TBXAS1: variants seen among roughly 807,000 people sequenced by gnomAD.
The protein encoded by TBXAS1 is thromboxane A synthase 1.
Under a neutral mutation model 60.7 loss-of-function variants are expected in TBXAS1, and 48 were observed. The ratio of observed to expected loss-of-function variants is 0.79; its 90% CI spans 0.63 to 1.01. TBXAS1 has a LOEUF of 1.01. Among genes scored for constraint, TBXAS1 ranks in the 50% least tolerant of loss-of-function variants. TBXAS1 has a pLI of 0.00. For synonymous variants in TBXAS1, 287 were observed against 269.7 expected, an observed-to-expected ratio of 1.06 and a Z score of -0.63; for missense variants, 685 against 686.3, an observed-to-expected ratio of 1.00 and a Z score of 0.02.
intron 4 of TBXAS1, among the ~76,000 whole-genome samples, chr7:139,809,217 T>C (rs1175417461): frequency 1.5e-5 from 2 of 130,292 alleles, no homozygotes; most frequent in African/African-American, 6.4e-5. Context: ...GATAGATAGA[T>C]AGATAGATAG....
In TBXAS1 at chr7:139,829,320, TC is replaced by T. The variant is rs776200708; in HGVS notation, c.-68del. 2.1e-6 allele frequency: 3 copies of T among 1,442,346 alleles called. No individual in the cohort carries two copies. Among genetic ancestry groups the T allele is most frequent in the Non-Finnish European group, 2.9e-6 (3 of 1,036,984 alleles). The allele number at this position is 1,442,346 out of a possible 1,614,324, so 89.3% of individuals were successfully genotyped here. On this transcript the variant is annotated 5_prime_UTR_variant, in exon 1 of 13. It removes the in-frame stop codon of an upstream open reading frame in the 5' UTR. Coordinates refer to ENST00000448866, the MANE Select transcript of TBXAS1 (RefSeq NM_001061.7). ...CCCTTTTCTACCTGCAGAGCACGGT[TC>T]CCATAAGGGCGGCGAGATCAGCCTC...
At chr7:139,847,816 G>GTTGT (rs376353146) in intron 1 of TBXAS1, among the ~76,000 whole-genome samples, 76 of 152,184 alleles carry the variant, frequency 5.0e-4, no homozygotes, top group Middle Eastern at 3.4e-3. Context: ...TGCAATATTT[G>GTTGT]TTGTTTGTTT....
Position 139,880,037 on chromosome 7 carries a change from T to C in TBXAS1, c.236+4400T>C, listed in dbSNP as rs187135230. Among the ~76,000 whole-genome samples, 1,043 of 152,194 alleles carry C rather than the reference T, an allele frequency of 6.9e-3. 4 individuals are homozygous for C. The highest frequency in any genetic ancestry group is 0.011 in the Non-Finnish European group (757 of 68,002). On this transcript the variant is annotated intron_variant, in intron 3 of 12. Coordinates refer to ENST00000448866, the MANE Select transcript of TBXAS1 (RefSeq NM_001061.7). ...TTGCTGGGAATACAGGCATGTGCCA[T>C]CACGCCCAGCAAATTTTTGTATTTT...
intron 4 of TBXAS1, among the ~76,000 whole-genome samples, chr7:139,926,792 T>G (rs1455303315): frequency 6.6e-6 from 1 of 152,140 alleles, no homozygotes; most frequent in Non-Finnish European, 1.5e-5. Flanking sequence ...GTACTGCTTT[T>G]GCCATATCCC....
intron 3 of TBXAS1, among the ~76,000 whole-genome samples, chr7:139,880,671 G>T (rs949208556): frequency 6.6e-6 from 1 of 152,164 alleles, no homozygotes; most frequent in Non-Finnish European, 1.5e-5. Context: ...AAATTAGGTA[G>T]TGTTTTTAAG....
chr7:139,898,413 C>CTTTTTTTTTTTTTTTTTTT (rs71170921), intron 3 of TBXAS1, among the ~76,000 whole-genome samples: 3 of 82,252 alleles, frequency 3.6e-5, no homozygotes, highest in African/African-American at 1.5e-4. Flanking sequence ...ACGTGCATGG[C>CTTTTTTTTTTTTTTTTTTT]TTTTTTTTTT....
At chr7:140,010,052 C>A (rs560411571) in intron 10 of TBXAS1, among the ~76,000 whole-genome samples, 1 of 140,244 alleles carries the variant, frequency 7.1e-6, no homozygotes, top group South Asian at 2.4e-4. Flanking sequence ...CCACACCACA[C>A]CCGCCCCACA....
chr7:139,851,049 TCTTACTGAGCCAAAGCATCCCATTGGC>T (rs1488570006), intron 1 of TBXAS1, among the ~76,000 whole-genome samples: 1 of 152,192 alleles, frequency 6.6e-6, no homozygotes, highest in African/African-American at 2.4e-5. Context: ...CTCCCGTTGG[TCTTACTGAGCCAAAGCATCCCATTGGC>T]CTTACTGAGC....
At chr7:139,882,193 C>A (rs1000801472) in intron 3 of TBXAS1, among the ~76,000 whole-genome samples, 1 of 152,214 alleles carries the variant, frequency 6.6e-6, no homozygotes, top group Non-Finnish European at 1.5e-5. Context: ...GGCCTACCAT[C>A]ATGGATCAAG....
intron 5 of TBXAS1, among the ~76,000 whole-genome samples, chr7:139,952,928 T>G (rs1218764706): frequency 6.6e-6 from 1 of 152,206 alleles, no homozygotes; most frequent in African/African-American, 2.4e-5. Flanking sequence ...GATTCAATAT[T>G]CTAGTGAAAG....
At chr7:139,865,178 C>T (rs1181842905) in intron 1 of TBXAS1, among the ~76,000 whole-genome samples, 1 of 152,098 alleles carries the variant, frequency 6.6e-6, no homozygotes, top group Non-Finnish European at 1.5e-5. Flanking sequence ...CCAGGGTGGA[C>T]ACTAGGTGCT....
At chr7:139,801,400 C>T (rs4311593) in intron 4 of TBXAS1, among the ~76,000 whole-genome samples, 92,854 of 151,778 alleles carry the variant, frequency 0.61, 28,841 homozygotes, top group East Asian at 0.95. Context: ...CTCTCTCCTT[C>T]AAAACTAGAT....
chr7:139,890,190 G>C (rs1265867851), intron 3 of TBXAS1, among the ~76,000 whole-genome samples: 1 of 144,010 alleles, frequency 6.9e-6, no homozygotes, highest in Non-Finnish European at 1.5e-5. Context: ...CTCCAAGTGA[G>C]AAATTTAGGA....
At chr7:139,883,495 A>G (rs1425836716) in intron 3 of TBXAS1, among the ~76,000 whole-genome samples, 1 of 152,172 alleles carries the variant, frequency 6.6e-6, no homozygotes, top group Non-Finnish European at 1.5e-5. Context: ...ACTGCTATCT[A>G]AGTCTTTGTG....
intron 6 of TBXAS1, 29 bp from the exon 7 acceptor site, chr7:139,955,430 T>C (rs1446532299): frequency 1.2e-6 from 2 of 1,614,010 alleles, no homozygotes; most frequent in Non-Finnish European, 1.7e-6. Context: ...CAGAGTCCTT[T>C]CAGATCTCTG....
In TBXAS1 at chr7:139,849,488, G is replaced by A. The variant is rs1273488595; in HGVS notation, c.89+20009G>A. Reference sequence around the variant, plus strand: ...AGACACTGACATGGTGGGTCATGGTGATCTTGCTTATGAAGTGATAACCTA... The same window carrying A: ...AGACACTGACATGGTGGGTCATGGTAATCTTGCTTATGAAGTGATAACCTA... On this transcript the variant is annotated intron_variant, in intron 1 of 12. Transcript: ENST00000448866. Among the ~76,000 whole-genome samples, 3 of 152,112 alleles carry A rather than the reference G, an allele frequency of 2.0e-5. No homozygotes were observed. In the East Asian group the frequency reaches 5.8e-4, roughly 29 times the overall value.
intron 10 of TBXAS1, 98 bp from the exon 11 acceptor site, chr7:140,015,625 T>C: frequency 7.2e-7 from 1 of 1,392,682 alleles, no homozygotes; most frequent in Non-Finnish European, 1.0e-6. Flanking sequence ...TGCCTGCCCC[T>C]GATCCCCTTC....
chr7:139,854,260 A>G (rs1800429748), intron 1 of TBXAS1, among the ~76,000 whole-genome samples: 1 of 152,148 alleles, frequency 6.6e-6, no homozygotes, highest in Admixed American at 6.5e-5. Flanking sequence ...CGGTGAAACG[A>G]CATGGCGTAA....
chr7:139,974,473 AC>A (rs1173510071), intron 9 of TBXAS1, among the ~76,000 whole-genome samples: 1 of 151,838 alleles, frequency 6.6e-6, no homozygotes, highest in Non-Finnish European at 1.5e-5. Context: ...CTGGCAGGGA[AC>A]CCCGAGACCT....
Sources: gnomAD v4.1 joint callset for allele counts (sites outside exome capture counted in the v4.1 genomes callset) on GRCh38, gnomAD v4.1.1 for gene constraint, MANE v1.5 for transcripts, NCBI Gene and HGNC (gene_info 2026-07-23, HGNC 2026-07-21) for gene names.